EML6: variants seen among roughly 807,000 people sequenced by gnomAD.
The protein encoded by EML6 is EMAP like 6.
A neutral mutation model predicts 240.1 loss-of-function variants in EML6; 154 were observed. That is an observed-to-expected ratio of 0.64 (90% CI 0.56 to 0.73). EML6 has a LOEUF of 0.73. EML6 is among the 30% of genes least tolerant of loss of function. EML6 has a pLI of 0.00. For synonymous variants in EML6, 1,148 were observed against 899.0 expected (o/e 1.28, Z -4.95); for missense variants, 2,964 against 2,474.6 (o/e 1.20, Z -4.20).
intron 26 of EML6, among the ~76,000 whole-genome samples, chr2:54,926,725 C>T (rs1674566021): frequency 6.6e-6 from 1 of 152,230 alleles, no homozygotes; most frequent in South Asian, 2.1e-4. Context: ...TCACCCACTG[C>T]TGCAGGAATC....
At chr2:54,953,301 A>G (rs17046510) in intron 31 of EML6, among the ~76,000 whole-genome samples, 4,887 of 152,246 alleles carry the variant, frequency 0.032, 250 homozygotes, top group African/African-American at 0.11. Flanking sequence ...TGCAGGTGAT[A>G]TTACGGAAAC....
At chr2:54,967,494 G>C (rs1676800972) in intron 39 of EML6, among the ~76,000 whole-genome samples, 1 of 152,186 alleles carries the variant, frequency 6.6e-6, no homozygotes, top group South Asian at 2.1e-4. Flanking sequence ...CATGGGAAAA[G>C]AGACCATTTA....
intron 7 of EML6, among the ~76,000 whole-genome samples, chr2:54,837,945 A>T (rs1338842952): frequency 6.6e-6 from 1 of 152,238 alleles, no homozygotes; most frequent in Non-Finnish European, 1.5e-5. Context: ...ACACTATTAA[A>T]TACGAGCCTC....
chr2:54,925,120 A>C (rs1674473475), intron 26 of EML6, among the ~76,000 whole-genome samples: 1 of 152,154 alleles, frequency 6.6e-6, no homozygotes, highest in Admixed American at 6.5e-5. Context: ...TTTATAAGGG[A>C]GGGGCCCTAA....
At position 54,879,617 on chromosome 2, in the gene EML6, G is replaced by A; in HGVS notation, c.2415G>A (p.Lys805=). Residue 805 remains lysine, a synonymous_variant, in exon 17 of 42, where the codon AAG becomes AAA. Coordinates refer to ENST00000356458, the MANE Select transcript of EML6 (RefSeq NM_001039753.4). ...FHSIVFWDWK[K]GEKIATTRGH... is the part of the protein sequence containing the mutation. ...GTATTGTATTTTGGGACTGGAAAAA[G>A]GGAGAAAAGATAGCCACAACAAGGT... 6.4e-7 allele frequency: 1 copy of A among 1,551,244 alleles called. No homozygotes were observed. The highest frequency in any genetic ancestry group is 8.7e-7 in the Non-Finnish European group (1 of 1,146,172).
At chr2:54,962,147 A>G (rs947063803) in intron 35 of EML6, among the ~76,000 whole-genome samples, 2 of 148,896 alleles carry the variant, frequency 1.3e-5, no homozygotes, top group African/African-American at 2.5e-5. Context: ...CAGTGGTACC[A>G]TCATCATAGC....
intron 7 of EML6, among the ~76,000 whole-genome samples, chr2:54,835,632 G>C (rs576564067): frequency 6.6e-6 from 1 of 152,302 alleles, no homozygotes; most frequent in South Asian, 2.1e-4. Flanking sequence ...GGTTGTTCCA[G>C]AGTGTTCATG....
chr2:54,886,915 G>C (rs1207476280), intron 17 of EML6, among the ~76,000 whole-genome samples: 1 of 152,210 alleles, frequency 6.6e-6, no homozygotes, highest in Non-Finnish European at 1.5e-5. Flanking sequence ...TGGTATACCA[G>C]AGAGTAGGGA....
chr2:54,803,024 C>T (rs190622615), intron 2 of EML6, among the ~76,000 whole-genome samples: 3 of 152,250 alleles, frequency 2.0e-5, no homozygotes, highest in African/African-American at 7.2e-5. Flanking sequence ...CCCCTCTTTC[C>T]TGCCCACTTA....
intron 35 of EML6, 45 bp from the exon 36 acceptor site, chr2:54,962,478 C>G (rs1202193534): frequency 1.4e-6 from 2 of 1,420,732 alleles, no homozygotes; most frequent in Middle Eastern, 1.8e-4. Context: ...TGAGTGCAGT[C>G]ATACAGTATT....
chr2:54,968,842 G>A lies in EML6; in HGVS notation c.5852+74G>A. On this transcript the variant is annotated intron_variant, in intron 41 of 41. Coordinates refer to ENST00000356458, the MANE Select transcript of EML6 (RefSeq NM_001039753.4). ...TCCCTCCCCATCTCAGGCATCCCGT[G>A]GGTCAGCCTCTCCCAGGGGCATGAG... 6.3e-6 allele frequency: 5 copies of A among 793,684 alleles called. No homozygotes were observed. The South Asian group carries it at 7.6e-5, about 12-fold the overall frequency. The allele number at this position is 793,684 out of a possible 1,614,324, so 49.2% of individuals were successfully genotyped here. A position where few individuals can be genotyped will look rare whatever the true frequency, so the allele number is the denominator to read the frequency against.
chr2:54,833,698 T>C (rs115503967), intron 7 of EML6, among the ~76,000 whole-genome samples: 2 of 152,188 alleles, frequency 1.3e-5, no homozygotes, highest in Non-Finnish European at 2.9e-5. Context: ...TGTAGAGTTT[T>C]ATTTGCACCG....
intron 2 of EML6, among the ~76,000 whole-genome samples, chr2:54,750,205 A>T (rs1282290461): frequency 2.6e-5 from 4 of 152,188 alleles, no homozygotes; most frequent in African/African-American, 9.7e-5. Context: ...ATGGCCCAGG[A>T]AGAACTCAGG....
intron 17 of EML6, among the ~76,000 whole-genome samples, chr2:54,886,580 C>A (rs543542747): frequency 1.3e-5 from 2 of 152,266 alleles, no homozygotes; most frequent in Non-Finnish European, 1.5e-5. Context: ...TAAACACAGG[C>A]CTCCAACTTC....
At chr2:54,958,050 G>C in intron 33 of EML6, 52 bp downstream of exon 33, 1 of 1,439,072 alleles carries the variant, frequency 6.9e-7, no homozygotes. Context: ...CCCTGGGCAT[G>C]GGCATGGGCA....
At chr2:54,961,489 G>A (rs1044839574) in intron 35 of EML6, among the ~76,000 whole-genome samples, 7 of 151,486 alleles carry the variant, frequency 4.6e-5, no homozygotes, top group African/African-American at 1.7e-4. Flanking sequence ...ACCTGGCCAG[G>A]AAGCAGATTT....
chr2:54,912,633 T>C (rs1300722710), intron 25 of EML6, among the ~76,000 whole-genome samples: 2 of 152,210 alleles, frequency 1.3e-5, no homozygotes, highest in Non-Finnish European at 2.9e-5. Context: ...CCCAATGCTT[T>C]ATTCCCACTC....
intron 2 of EML6, among the ~76,000 whole-genome samples, chr2:54,800,514 C>T (rs917547182): frequency 3.9e-5 from 6 of 152,084 alleles, no homozygotes; most frequent in Admixed American, 2.6e-4. Flanking sequence ...TCAGAGACCC[C>T]TCCCACACAG....
chr2:54,837,450 G>A (rs1331487298), intron 7 of EML6, among the ~76,000 whole-genome samples: 1 of 152,056 alleles, frequency 6.6e-6, no homozygotes, highest in Admixed American at 6.5e-5. Context: ...CACCTCCTAA[G>A]CACTCACGGG....
Sources: allele counts gnomAD v4.1 joint callset (sites outside exome capture counted in the v4.1 genomes callset), GRCh38; gene constraint gnomAD v4.1.1; transcripts MANE v1.5; gene names NCBI Gene and HGNC (gene_info 2026-07-23, HGNC 2026-07-21).